ASTN2: variants seen among roughly 807,000 people sequenced by gnomAD.
The protein encoded by ASTN2 is astrotactin-2.
In ASTN2, 54 loss-of-function variants were observed where a neutral mutation model predicts 139.8. The ratio of observed to expected loss-of-function variants is 0.39; its 90% confidence interval spans 0.31 to 0.48. ASTN2 has a LOEUF of 0.48. Among genes scored for constraint, ASTN2 ranks in the 20% least tolerant of loss-of-function variants. The probability of loss-of-function intolerance (pLI) is 0.95; values close to 1 mark genes in which losing one functional copy is unlikely to be tolerated. For missense variants in ASTN2, 1,565 were observed against 1,725.1 expected (o/e 0.91, Z 1.64); for synonymous variants, 756 against 719.5 (o/e 1.05, Z -0.81).
chr9:116,909,434 G>A (rs1834254991), intron 10 of ASTN2, among the ~76,000 whole-genome samples: 1 of 152,236 alleles, frequency 6.6e-6, no homozygotes, highest in African/African-American at 2.4e-5. Context: ...TTTGGCCTGA[G>A]TAATAGGATG....
At chr9:116,989,836 G>A (rs957345692) in intron 7 of ASTN2, among the ~76,000 whole-genome samples, 5 of 151,808 alleles carry the variant, frequency 3.3e-5, no homozygotes, top group Non-Finnish European at 7.4e-5. Context: ...CGCCTGCCTC[G>A]GCCTCCCAAA....
At chr9:116,457,444 T>C (rs10739463) in intron 20 of ASTN2, among the ~76,000 whole-genome samples, 141,622 of 152,210 alleles carry the variant, frequency 0.93, 66,621 homozygotes, top group Non-Finnish European at 1. Context: ...TTGCAAGCTA[T>C]CCATCTGACA....
chr9:116,827,736 A>G (rs1831677890), intron 11 of ASTN2, among the ~76,000 whole-genome samples: 1 of 152,160 alleles, frequency 6.6e-6, no homozygotes, highest in Non-Finnish European at 1.5e-5. Flanking sequence ...TTGAATCAAT[A>G]ATAAAAAATA....
chr9:117,136,167 T>C lies in ASTN2; in HGVS notation c.1168+5159A>G, dbSNP rs539805250. Among the ~76,000 whole-genome samples the C allele has an allele frequency of 3.1e-4, 47 of 152,290 alleles. No homozygotes were observed. The South Asian group carries it at 6.4e-3, about 21-fold the overall frequency. On this transcript the variant is annotated intron_variant, in intron 4 of 22. Coordinates refer to ENST00000313400, the MANE Select transcript of ASTN2 (RefSeq NM_001365068.1). ...AATAAAAGAGCACATATGTTCAGCA[T>C]GCAAATATGTCTGGCTCTGTGCTAA...
chr9:116,555,327 G>T (rs1052211960), intron 19 of ASTN2, among the ~76,000 whole-genome samples: 1 of 152,132 alleles, frequency 6.6e-6, no homozygotes, highest in Admixed American at 6.5e-5. Flanking sequence ...AGCTGCACAG[G>T]CTGGCCCACT....
intron 10 of ASTN2, among the ~76,000 whole-genome samples, chr9:116,929,433 T>C (rs142171032): frequency 1.3e-5 from 2 of 152,264 alleles, no homozygotes; most frequent in Non-Finnish European, 2.9e-5. Context: ...CTGCAGGAAG[T>C]GAACCCTAAG....
chr9:117,261,519 A>G (rs1408313089), intron 2 of ASTN2, among the ~76,000 whole-genome samples: 1 of 152,144 alleles, frequency 6.6e-6, no homozygotes, highest in Non-Finnish European at 1.5e-5. Flanking sequence ...TTCTTCAATA[A>G]ATGCCCAGCC....
At chr9:117,245,627 G>A (rs1056549138) in intron 2 of ASTN2, among the ~76,000 whole-genome samples, 3 of 152,084 alleles carry the variant, frequency 2.0e-5, no homozygotes, top group Non-Finnish European at 4.4e-5. Context: ...CAGGTTTCAG[G>A]CACACCCTGA....
In ASTN2 at chr9:117,114,159, C is replaced by T. The variant is rs541592437; in HGVS notation, c.1169-18008G>A. Among the ~76,000 whole-genome samples the T allele has an allele frequency of 5.0e-5, 7 of 140,524 alleles. No homozygotes were observed. In the East Asian group the frequency reaches 1.1e-3, roughly 22 times the overall value. The allele number at this position is 140,524 out of a possible 152,430, so 92.2% of individuals were successfully genotyped here. Reference sequence around the variant, plus strand: ...AATTTTAGAAACTCTTTTTAATGAACATTAGTCTTTTTTTTTTTTAAAAAA... The same window carrying T: ...AATTTTAGAAACTCTTTTTAATGAATATTAGTCTTTTTTTTTTTTAAAAAA... On this transcript the variant is annotated intron_variant, in intron 4 of 22. Coordinates refer to ENST00000313400, the MANE Select transcript of ASTN2 (RefSeq NM_001365068.1).
chr9:116,933,005 CAAAAAAAAAAAAAA>C (rs34505075), intron 10 of ASTN2, among the ~76,000 whole-genome samples: 2 of 70,054 alleles, frequency 2.9e-5, no homozygotes, highest in African/African-American at 1.1e-4. Flanking sequence ...GACTCTGTCT[CAAAAAAAAAAAAAA>C]AAAAAAAAAA....
At chr9:117,035,778 C>A (rs558005485) in intron 6 of ASTN2, among the ~76,000 whole-genome samples, 27 of 152,244 alleles carry the variant, frequency 1.8e-4, no homozygotes, top group African/African-American at 6.5e-4. Context: ...TGGATGCTCC[C>A]AGGATTCCTG....
chr9:116,675,297 A>T (rs1859438292), intron 16 of ASTN2, among the ~76,000 whole-genome samples: 1 of 152,110 alleles, frequency 6.6e-6, no homozygotes, highest in South Asian at 2.1e-4. Flanking sequence ...GCTCCATTGT[A>T]GGGTGTTTGG....
chr9:117,223,242 G>GC (rs1832587447), intron 2 of ASTN2, among the ~76,000 whole-genome samples: 1 of 152,010 alleles, frequency 6.6e-6, no homozygotes. Context: ...TGGCAATTTT[G>GC]CCCCCCAAGA....
At chr9:117,185,888 CTGT>C (rs899340396) in intron 3 of ASTN2, among the ~76,000 whole-genome samples, 1 of 152,136 alleles carries the variant, frequency 6.6e-6, no homozygotes, top group African/African-American at 2.4e-5. Flanking sequence ...GAGCCAATTG[CTGT>C]TATATCCAAT....
intron 17 of ASTN2, among the ~76,000 whole-genome samples, chr9:116,627,015 AG>A (rs1310467650): frequency 6.6e-5 from 10 of 152,210 alleles, no homozygotes; most frequent in African/African-American, 2.4e-4. Context: ...CAGGGGCTGG[AG>A]GCCCCATTCC....
intron 20 of ASTN2, among the ~76,000 whole-genome samples, chr9:116,454,444 T>G (rs111379450): frequency 8.7e-4 from 133 of 152,186 alleles, no homozygotes; most frequent in African/African-American, 3.1e-3. Context: ...TTTTACACTG[T>G]TGGTGGGACT....
At chr9:117,283,484 G>T (rs1366456504) in intron 2 of ASTN2, among the ~76,000 whole-genome samples, 1 of 152,130 alleles carries the variant, frequency 6.6e-6, no homozygotes, top group East Asian at 1.9e-4. Flanking sequence ...AAAGTACTTG[G>T]GATATTTGTG....
At chr9:117,138,272 T>C (rs1283728071) in intron 4 of ASTN2, among the ~76,000 whole-genome samples, 2 of 151,970 alleles carry the variant, frequency 1.3e-5, no homozygotes, top group East Asian at 3.9e-4. Context: ...GTAGATTGGG[T>C]AGTCATGGAA....
chr9:116,960,352 C>T (rs1260527990), intron 10 of ASTN2, among the ~76,000 whole-genome samples: 1 of 152,148 alleles, frequency 6.6e-6, no homozygotes. Flanking sequence ...ACTATGCATG[C>T]CAGCTTTTTA....
Sources: allele counts gnomAD v4.1 joint callset (sites outside exome capture counted in the v4.1 genomes callset), GRCh38; gene constraint gnomAD v4.1.1; transcripts MANE v1.5; gene names NCBI Gene and HGNC (gene_info 2026-07-23, HGNC 2026-07-21).